IGSF10: variants seen among roughly 807,000 people sequenced by gnomAD.
IGSF10 encodes calvaria mechanical force protein 608.
A neutral mutation model predicts 128.2 loss-of-function variants in IGSF10; 126 were observed. That is an observed-to-expected ratio of 0.98 (90% confidence interval 0.85 to 1.14). IGSF10 has a LOEUF of 1.14. Ranked by LOEUF, IGSF10 falls within the 50% of genes most tolerant of loss-of-function variation. IGSF10 has a pLI of 0.00. For missense variants in IGSF10, 3,295 were observed against 3,149.8 expected (o/e 1.05, Z -1.10); for synonymous variants, 1,185 against 1,146.2 (o/e 1.03, Z -0.68).
chr3:151,612,458 T>C, the IGSF10 span, among the ~76,000 whole-genome samples: 2 of 152,132 alleles, frequency 1.3e-5, no homozygotes, highest in Non-Finnish European at 2.9e-5. Context: ...TTTTCTTTAA[T>C]AGCAAAAGGT....
At chr3:151,559,731 G>C in the IGSF10 span, among the ~76,000 whole-genome samples, 2 of 152,128 alleles carry the variant, frequency 1.3e-5, no homozygotes, top group Non-Finnish European at 2.9e-5. Flanking sequence ...GAGAGTAAGA[G>C]AGTGGTCCTC....
the IGSF10 span, among the ~76,000 whole-genome samples, chr3:151,614,572 C>CA: frequency 3.3e-5 from 5 of 150,246 alleles, no homozygotes; most frequent in Non-Finnish European, 4.4e-5. Flanking sequence ...ATCGCAAGGA[C>CA]AAAAAACCAA....
the IGSF10 span, among the ~76,000 whole-genome samples, chr3:151,530,236 A>G: frequency 5.3e-5 from 8 of 152,106 alleles, no homozygotes; most frequent in South Asian, 1.7e-3. Flanking sequence ...TATGTTTGAT[A>G]GGATGAGTCA....
the IGSF10 span, among the ~76,000 whole-genome samples, chr3:151,520,754 T>G: frequency 6.6e-6 from 1 of 151,784 alleles, no homozygotes; most frequent in African/African-American, 2.4e-5. Flanking sequence ...AATGAAAGTC[T>G]AATACTAGCT....
the IGSF10 span, among the ~76,000 whole-genome samples, chr3:151,487,507 A>T: frequency 6.6e-6 from 1 of 152,180 alleles, no homozygotes; most frequent in African/African-American, 2.4e-5. Flanking sequence ...CTGATATCAA[A>T]ACCTGGCAGA....
chr3:151,492,086 A>G, the IGSF10 span, among the ~76,000 whole-genome samples: 1 of 152,190 alleles, frequency 6.6e-6, no homozygotes, highest in African/African-American at 2.4e-5. Flanking sequence ...CAGACTGGAA[A>G]AAAATATTTG....
the IGSF10 span, among the ~76,000 whole-genome samples, chr3:151,484,729 C>CAAAAAAAAAA: frequency 1.5e-5 from 2 of 131,644 alleles, no homozygotes; most frequent in Non-Finnish European, 1.6e-5. Flanking sequence ...GGAAAACTGA[C>CAAAAAAAAAA]AAAAAAAAAA....
At chr3:151,442,862 T>C in intron 7 of IGSF10, 122 bp downstream of exon 7, 1 of 695,098 alleles carries the variant, frequency 1.4e-6, no homozygotes, top group Non-Finnish European at 2.2e-6. Context: ...GTTTCCTTTA[T>C]GTCCAAAGTC....
In IGSF10 at chr3:151,442,547, A is replaced by AT. The variant is rs3975406; in HGVS notation, c.5963+436dup. Among the ~76,000 whole-genome samples the AT allele has an allele frequency of 8.6e-4, 108 of 125,530 alleles. 2 individuals carry two copies. Among genetic ancestry groups the AT allele is most frequent in the South Asian group, 3.1e-3 (12 of 3,820 alleles). The allele number at this position is 125,530 out of a possible 152,430, so 82.4% of individuals were successfully genotyped here. On this transcript the variant is annotated intron_variant, in intron 7 of 7. Transcript: ENST00000282466. ...GGCGCCCGGCCACCATGCCCGGCTA[A>AT]TTTTTTTTTTTTTGTACTTTTAGTA...
At chr3:151,464,418 T>G (rs2108588994), upstream of IGSF10, among the ~76,000 whole-genome samples, 1 of 152,304 alleles carries the variant, frequency 6.6e-6, no homozygotes, top group Middle Eastern at 3.4e-3. Context: ...TTGACATTAT[T>G]TGCTGTCTTT....
the IGSF10 span, among the ~76,000 whole-genome samples, chr3:151,514,311 T>C: frequency 6.6e-6 from 1 of 152,036 alleles, no homozygotes; most frequent in Admixed American, 6.6e-5. Flanking sequence ...TCAGAAATAA[T>C]GACACATATC....
At chr3:151,548,047 C>T in the IGSF10 span, among the ~76,000 whole-genome samples, 1 of 152,110 alleles carries the variant, frequency 6.6e-6, no homozygotes, top group African/African-American at 2.4e-5. Flanking sequence ...GATGTGTGTA[C>T]CTTCCCTTTG....
rs753537353 is a variant in IGSF10, at chr3:151,437,838, A to G, written c.6723T>C (p.Tyr2241=). ...VSKPPLINGL[Y]TNRTVIKATA... is the part of the protein sequence containing the mutation. ...TGGCTTTAATAACAGTTCTGTTTGT[A>G]TACAGACCATTGATTAATGGAGGTT... The change falls in exon 8 of 8, where the codon TAT becomes TAC. Residue 2241 remains tyrosine, a synonymous_variant. Coordinates refer to ENST00000282466, the MANE Select transcript of IGSF10 (RefSeq NM_178822.5). The G allele has an allele frequency of 3.1e-6, 5 of 1,614,036 alleles. No homozygotes were observed. The highest frequency in any genetic ancestry group is 4.2e-6 in the Non-Finnish European group (5 of 1,179,992).
At chr3:151,473,423 C>G in the IGSF10 span, among the ~76,000 whole-genome samples, 15 of 152,184 alleles carry the variant, frequency 9.9e-5, no homozygotes, top group African/African-American at 3.6e-4. Context: ...CAATCGATAA[C>G]TTGATCATTG....
the IGSF10 span, among the ~76,000 whole-genome samples, chr3:151,602,810 G>T: frequency 6.6e-6 from 1 of 152,206 alleles, no homozygotes; most frequent in South Asian, 2.1e-4. Context: ...CAAGATAACT[G>T]AAGGGAATAG....
chr3:151,490,042 A>G, the IGSF10 span, among the ~76,000 whole-genome samples: 1 of 152,204 alleles, frequency 6.6e-6, no homozygotes, highest in Non-Finnish European at 1.5e-5. Context: ...ATAAGTCTTT[A>G]CTTATCAATA....
the IGSF10 span, among the ~76,000 whole-genome samples, chr3:151,548,245 C>G: frequency 6.6e-6 from 1 of 152,178 alleles, no homozygotes; most frequent in African/African-American, 2.4e-5. Flanking sequence ...TAAGGAAACC[C>G]ATGGCAAATA....
At chr3:151,612,649 C>T in the IGSF10 span, among the ~76,000 whole-genome samples, 5 of 152,082 alleles carry the variant, frequency 3.3e-5, no homozygotes, top group South Asian at 2.1e-4. Flanking sequence ...TTATATGATA[C>T]GAACAAAGGT....
chr3:151,446,646 A>G lies in IGSF10; in HGVS notation c.3335T>C (p.Leu1112Pro). 9 of 1,614,076 alleles carry G rather than the reference A, an allele frequency of 5.6e-6. No homozygotes were observed. Among genetic ancestry groups the G allele is most frequent in the Non-Finnish European group, 7.6e-6 (9 of 1,179,972 alleles). The change falls in exon 6 of 8, where the codon CTA becomes CCA. Residue 1112 changes from leucine (L) to proline (P), a missense_variant. Leu to Pro is a moderately conservative substitution (Grantham distance 98). Transcript: ENST00000282466. ...CTCTACACTGGGTTTGTTCTCAAGTAGTAATAGTGGATTCTGGACTAGAGT... is the reference window on the plus strand; with the variant it reads ...CTCTACACTGGGTTTGTTCTCAAGTGGTAATAGTGGATTCTGGACTAGAGT... ...STTLVQNPLLLLENKPSVEKT... is the reference protein window; with the variant it reads ...STTLVQNPLLPLENKPSVEKT...
Sources: gnomAD v4.1 joint callset for allele counts (sites outside exome capture counted in the v4.1 genomes callset) on GRCh38, gnomAD v4.1.1 for gene constraint, MANE v1.5 for transcripts, NCBI Gene and HGNC (gene_info 2026-07-23, HGNC 2026-07-21) for gene names.